Variants in RBM34 observed in about 807,000 individuals in gnomAD.
RBM34 encodes the protein RNA-binding protein 34.
RBM34 carries 39 observed loss-of-function variants against 44.6 expected under a neutral mutation model. The ratio of observed to expected loss-of-function variants is 0.87; its 90% CI spans 0.68 to 1.14. The LOEUF is 1.14. Among genes scored for constraint, RBM34 ranks in the 50% most tolerant of loss-of-function variants. The pLI is 0.00. For missense variants in RBM34, 572 were observed against 517.9 expected (o/e 1.10, Z -1.01); for synonymous variants, 194 against 184.0 (o/e 1.05, Z -0.44).
chr1:235,137,978 A>G (rs781328700), intron 7 of RBM34, 38 bp from the exon 8 acceptor site: 1 of 1,567,278 alleles, frequency 6.4e-7, no homozygotes, highest in South Asian at 1.1e-5. Flanking sequence ...GTTGTTAAAA[A>G]TGAGCACTCG....
intron 3 of RBM34, chr1:235,160,128 C>A (rs1558151718): frequency 5.6e-6 from 2 of 360,076 alleles, no homozygotes; most frequent in Non-Finnish European, 1.1e-5. Flanking sequence ...GTGACGCAGG[C>A]CTGTAGTCCC....
chr1:235,161,182 G>C lies in RBM34; in HGVS notation c.45C>G (p.Val15=), dbSNP rs184608793. 1.2e-6 allele frequency: 2 copies of C among 1,607,374 alleles called. No homozygotes were observed. Among genetic ancestry groups the C allele is most frequent in the Non-Finnish European group, 1.7e-6 (2 of 1,175,682 alleles). The change falls in exon 1 of 11, where the codon GTC becomes GTG. Residue 15 remains valine, a synonymous_variant. Coordinates refer to ENST00000408888, the MANE Select transcript of RBM34 (RefSeq NM_015014.4). ...GMSKRKRKRS[V]QEGENPDDGV... ...TGCCGCGCGCCACTCACCCCTCCTG[G>C]ACACTTCTCTTTCTCTTCCGTTTGC...
chr1:235,149,454 C>T (rs956383627), intron 5 of RBM34, among the ~76,000 whole-genome samples: 33 of 150,086 alleles, frequency 2.2e-4, no homozygotes, highest in African/African-American at 9.8e-5. Context: ...AACATTTTAT[C>T]GTGTATTCTA....
chr1:235,148,790 C>A (rs969175987), intron 5 of RBM34, among the ~76,000 whole-genome samples: 1 of 151,662 alleles, frequency 6.6e-6, no homozygotes, highest in Non-Finnish European at 1.5e-5. Context: ...AGTAGAGATG[C>A]GGTTTCATCA....
At chr1:235,154,259 G>T (rs774998606) in intron 4 of RBM34, among the ~76,000 whole-genome samples, 2 of 105,102 alleles carry the variant, frequency 1.9e-5, no homozygotes, top group Non-Finnish European at 4.1e-5. Context: ...AAAAAAAAAA[G>T]AGAGAGAGAG....
chr1:235,158,816 C>A (rs1281338296), intron 3 of RBM34, among the ~76,000 whole-genome samples: 1 of 152,116 alleles, frequency 6.6e-6, no homozygotes, highest in African/African-American at 2.4e-5. Context: ...TTCAAATACA[C>A]TGTTAAACAA....
chr1:235,159,205 C>A (rs1318980048), intron 3 of RBM34, among the ~76,000 whole-genome samples: 1 of 145,246 alleles, frequency 6.9e-6, no homozygotes, highest in Non-Finnish European at 1.5e-5. Flanking sequence ...AGAGCCAGAC[C>A]TTGTCTCAAA....
intron 3 of RBM34, among the ~76,000 whole-genome samples, chr1:235,157,134 G>A (rs1662482604): frequency 1.3e-5 from 2 of 152,174 alleles, no homozygotes; most frequent in Non-Finnish European, 2.9e-5. Flanking sequence ...TGAAGATGAG[G>A]AGACACTGAA....
intron 3 of RBM34, among the ~76,000 whole-genome samples, chr1:235,155,692 A>G (rs576480497): frequency 2.4e-4 from 36 of 148,740 alleles, no homozygotes; most frequent in African/African-American, 8.7e-4. Flanking sequence ...TTTAGTAAAG[A>G]CGGGGTTTCA....
At chr1:235,153,605 T>C (rs1056203133) in intron 4 of RBM34, among the ~76,000 whole-genome samples, 1 of 152,118 alleles carries the variant, frequency 6.6e-6, no homozygotes, top group Non-Finnish European at 1.5e-5. Flanking sequence ...TTGGGACTTT[T>C]AGTAGAGAAG....
At chr1:235,136,979 CTCT>C (rs1661456625) in intron 8 of RBM34, among the ~76,000 whole-genome samples, 1 of 152,186 alleles carries the variant, frequency 6.6e-6, no homozygotes. Flanking sequence ...CATAAGCCTT[CTCT>C]TCTTTCTTTT....
At chr1:235,148,533 C>T (rs1662011252) in intron 5 of RBM34, 86 bp from the exon 6 acceptor site, 1 of 886,590 alleles carries the variant, frequency 1.1e-6, no homozygotes, top group Non-Finnish European at 1.7e-6. Context: ...AAGTATCTAA[C>T]TCCAGTACAC....
intron 6 of RBM34, among the ~76,000 whole-genome samples, chr1:235,145,278 A>G (rs912935636): frequency 3.4e-5 from 5 of 148,816 alleles, no homozygotes; most frequent in African/African-American, 1.3e-4. Context: ...GCTCAAAAAC[A>G]TACTTTTTTT....
chr1:235,156,011 C>T (rs892146893), intron 3 of RBM34, among the ~76,000 whole-genome samples: 1 of 149,870 alleles, frequency 6.7e-6, no homozygotes, highest in Non-Finnish European at 1.5e-5. Context: ...GCTGGGATTA[C>T]AGGCACCTGC....
intron 3 of RBM34, among the ~76,000 whole-genome samples, chr1:235,157,105 T>C (rs997993936): frequency 6.6e-6 from 1 of 152,152 alleles, no homozygotes; most frequent in Admixed American, 6.5e-5. Flanking sequence ...TACACGAAAG[T>C]GCTTAGATTT....
intron 5 of RBM34, 29 bp from the exon 6 acceptor site, chr1:235,148,476 GAC>G (rs1260781083): frequency 3.2e-6 from 5 of 1,541,012 alleles, no homozygotes; most frequent in Non-Finnish European, 4.4e-6. Context: ...AAGTATTAAA[GAC>G]AGTATTTGAA....
intron 5 of RBM34, among the ~76,000 whole-genome samples, chr1:235,150,443 A>G (rs1257472866): frequency 1.3e-5 from 2 of 152,250 alleles, no homozygotes; most frequent in Non-Finnish European, 2.9e-5. Flanking sequence ...ATGCAGAGGA[A>G]AAAATATCAC....
chr1:235,161,091 A>T (rs760474353), intron 1 of RBM34, 24 bp from the exon 2 acceptor site: 2 of 1,609,110 alleles, frequency 1.2e-6, no homozygotes, highest in Non-Finnish European at 1.7e-6. Flanking sequence ...ACAGAAACTC[A>T]GCCACGCCAC....
At chr1:235,144,258 T>C (rs1661808202) in intron 6 of RBM34, among the ~76,000 whole-genome samples, 1 of 151,666 alleles carries the variant, frequency 6.6e-6, no homozygotes. Flanking sequence ...TCCTGTATGA[T>C]GACTCTACTT....
Sources: gnomAD v4.1 joint callset for allele counts (sites outside exome capture counted in the v4.1 genomes callset) on GRCh38, gnomAD v4.1.1 for gene constraint, MANE v1.5 for transcripts, NCBI Gene and HGNC (gene_info 2026-07-23, HGNC 2026-07-21) for gene names.